The following PARP14 variants were observed in gnomAD, a reference collection of about 807,000 sequenced individuals.
PARP14 encodes the protein poly(ADP-ribose) polymerase family member 14.
PARP14 carries 59 observed loss-of-function variants against 154.2 expected under a neutral mutation model. The observed-to-expected ratio is 0.38, with a 90% confidence interval of 0.31 to 0.48. The LOEUF (loss-of-function observed/expected upper bound fraction) is 0.48. Among genes scored for constraint, PARP14 ranks in the 20% least tolerant of loss-of-function variants. The pLI is 0.98. For missense variants in PARP14, 1,734 were observed against 2,131.6 expected, an observed-to-expected ratio of 0.81 and a Z score of 3.67; for synonymous variants, 720 against 780.5, an observed-to-expected ratio of 0.92 and a Z score of 1.29.
chr3:122,706,826 A>G (rs1010329094), intron 8 of PARP14, among the ~76,000 whole-genome samples: 9 of 152,172 alleles, frequency 5.9e-5, no homozygotes, highest in Non-Finnish European at 1.3e-4. Context: ...GCAAAAAAAA[A>G]AAAAATGAAA....
intron 12 of PARP14, 125 bp from the exon 13 acceptor site, chr3:122,717,946 C>A: frequency 1.4e-6 from 1 of 720,378 alleles, no homozygotes; most frequent in Non-Finnish European, 2.3e-6. Context: ...TTAGAAAATT[C>A]CACAATGATG....
chr3:122,692,908 A>G (rs1677340980), intron 4 of PARP14, among the ~76,000 whole-genome samples: 1 of 152,194 alleles, frequency 6.6e-6, no homozygotes, highest in African/African-American at 2.4e-5. Flanking sequence ...CACTGGGTGA[A>G]GTAAATATTT....
chr3:122,714,152 T>A, intron 11 of PARP14, 110 bp from the exon 12 acceptor site: 1 of 649,858 alleles, frequency 1.5e-6, no homozygotes, highest in African/African-American at 2.2e-5. Flanking sequence ...ATTTCAGGAG[T>A]TTTTTTTTTT....
intron 3 of PARP14, among the ~76,000 whole-genome samples, chr3:122,689,768 G>A (rs769748051): frequency 2.0e-5 from 3 of 151,994 alleles, no homozygotes; most frequent in Non-Finnish European, 2.9e-5. Flanking sequence ...TTGCTAAATA[G>A]CCTGCCATCC....
At chr3:122,720,093 G>A (rs1933124835) in intron 14 of PARP14, among the ~76,000 whole-genome samples, 162 bp from the exon 15 acceptor site, 1 of 152,200 alleles carries the variant, frequency 6.6e-6, no homozygotes, top group South Asian at 2.1e-4. Flanking sequence ...TGGTTCTGAT[G>A]TAGGTTGTCT....
chr3:122,682,496 C>T (rs977242924), intron 1 of PARP14, among the ~76,000 whole-genome samples: 2 of 152,060 alleles, frequency 1.3e-5, no homozygotes, highest in Non-Finnish European at 1.5e-5. Context: ...TCAGAATTTC[C>T]GTAGTTAATG....
chr3:122,720,586 C>T (rs1933139684), intron 15 of PARP14, 198 bp downstream of exon 15: 6 of 626,650 alleles, frequency 9.6e-6, no homozygotes, highest in Admixed American at 4.8e-5. Flanking sequence ...TCAGTGATTA[C>T]AATATTTGAT....
chr3:122,712,184 A>G (rs1939338292), intron 9 of PARP14, among the ~76,000 whole-genome samples: 1 of 151,676 alleles, frequency 6.6e-6, no homozygotes, highest in African/African-American at 2.4e-5. Flanking sequence ...CATGGATCAT[A>G]GTTATAGTAG....
In PARP14 at chr3:122,728,656, A is replaced by C; in HGVS notation, c.*59A>C. On this transcript the variant is annotated 3_prime_UTR_variant, in exon 17 of 17. Transcript: ENST00000474629. Reference sequence around the variant, plus strand: ...ATTTGTACATATCTAGTTGTAAAACAAGTTTTAGCTTTTTTTTTTAATTCC... The same window carrying C: ...ATTTGTACATATCTAGTTGTAAAACCAGTTTTAGCTTTTTTTTTTAATTCC... 7.3e-7 allele frequency: 1 copy of C among 1,378,684 alleles called. No individual in the cohort carries two copies. Among genetic ancestry groups the C allele is most frequent in the Non-Finnish European group, 1.0e-6 (1 of 1,003,782 alleles). The allele number at this position is 1,378,684 out of a possible 1,614,324, so 85.4% of individuals were successfully genotyped here. A position where few individuals can be genotyped will look rare whatever the true frequency, so the allele number is the denominator to read the frequency against.
Position 122,700,768 on chromosome 3 carries a change from C to T in PARP14, c.2214C>T (p.Val738=). 1 of 1,613,494 alleles carries T rather than the reference C, an allele frequency of 6.2e-7. No homozygotes were observed. Among genetic ancestry groups the T allele is most frequent in the Non-Finnish European group, 8.5e-7 (1 of 1,179,652 alleles). ...TTGTCAAGCAAGTCTGGGATTCAGTCTGTGTTAAAAGTGTCCATACTGATA... is the reference window on the plus strand; with the variant it reads ...TTGTCAAGCAAGTCTGGGATTCAGTTTGTGTTAAAAGTGTCCATACTGATA... ...VDIVKQVWDS[V]CVKSVHTDKP... Residue 738 remains valine (V), a synonymous_variant, in exon 6 of 17, where the codon GTC becomes GTT. Coordinates refer to ENST00000474629, the MANE Select transcript of PARP14 (RefSeq NM_017554.3).
At chr3:122,723,903 T>C (rs950475772) in intron 15 of PARP14, among the ~76,000 whole-genome samples, 4 of 152,152 alleles carry the variant, frequency 2.6e-5, no homozygotes, top group Admixed American at 2.6e-4. Context: ...CTTCTGTATA[T>C]GTTATTTGGC....
At chr3:122,715,591 C>A (rs1932973062) in intron 12 of PARP14, among the ~76,000 whole-genome samples, 1 of 146,738 alleles carries the variant, frequency 6.8e-6, no homozygotes. Flanking sequence ...CTCTCTCTAC[C>A]AGTCATCTAT....
chr3:122,727,730 A>G, intron 15 of PARP14, 82 bp from the exon 16 acceptor site: 1 of 837,246 alleles, frequency 1.2e-6, no homozygotes, highest in East Asian at 2.7e-5. Flanking sequence ...TTATTTATGA[A>G]ACATAGTGAT....
intron 15 of PARP14, among the ~76,000 whole-genome samples, chr3:122,722,935 ATTT>A (rs67962718): frequency 6.9e-6 from 1 of 145,426 alleles, no homozygotes. Context: ...TGCATTTCAT[ATTT>A]TTTTTTTTTT....
In PARP14 at chr3:122,703,789, A is replaced by G; in HGVS notation, c.3129A>G (p.Arg1043=). Residue 1043 remains arginine, a synonymous_variant, in exon 7 of 17, where the codon AGA becomes AGG. Coordinates refer to ENST00000474629, the MANE Select transcript of PARP14 (RefSeq NM_017554.3). ...NSVPLDLVLS[R]GPLSKSLLEK... is the part of the protein sequence containing the mutation. ...TTCCCTTGGATCTCGTGCTTAGTAG[A>G]GGGCCTCTTTCTAAGTCCCTCTTGG... is the stretch of plus-strand genomic sequence containing the variant. 6.2e-7 allele frequency: 1 copy of G among 1,613,864 alleles called. No individual in the cohort carries two copies. The highest frequency in any genetic ancestry group is 8.5e-7 in the Non-Finnish European group (1 of 1,179,838).
Position 122,703,964 on chromosome 3 carries a change from A to T in PARP14, c.3304A>T (p.Thr1102Ser). Residue 1102 changes from threonine (T) to serine (S), a missense_variant, in exon 7 of 17, where the codon ACA becomes TCA. By Grantham distance (58) the Thr-to-Ser change is moderately conservative. This residue lies in a region of PARP14 where 1,646 missense variants were observed against 1,976.0 expected (regional missense o/e 0.83). Coordinates refer to ENST00000474629, the MANE Select transcript of PARP14 (RefSeq NM_017554.3). ...VVAPEWRNGS[T>S]SSLKIMEDII... is the part of the protein sequence containing the mutation. Reference sequence around the variant, plus strand: ...AGCTCCGGAGTGGAGAAATGGTAGCACATCTTCACTCAAGGTTGGGCCTGG... The same window carrying T: ...AGCTCCGGAGTGGAGAAATGGTAGCTCATCTTCACTCAAGGTTGGGCCTGG... 6.2e-7 allele frequency: 1 copy of T among 1,612,644 alleles called. No individual in the cohort carries two copies. Among genetic ancestry groups the T allele is most frequent in the Non-Finnish European group, 8.5e-7 (1 of 1,178,666 alleles).
At chr3:122,723,546 T>G (rs1305857856) in intron 15 of PARP14, among the ~76,000 whole-genome samples, 3 of 152,198 alleles carry the variant, frequency 2.0e-5, no homozygotes, top group Admixed American at 6.5e-5. Context: ...TATTTCTCTA[T>G]CCTCTTTATT....
At chr3:122,696,478 G>C (rs1272383935) in intron 5 of PARP14, among the ~76,000 whole-genome samples, 3 of 152,152 alleles carry the variant, frequency 2.0e-5, no homozygotes, top group African/African-American at 4.8e-5. Flanking sequence ...TGAAAGTATG[G>C]TTTGAATTAA....
At chr3:122,724,735 G>A (rs941681702) in intron 15 of PARP14, among the ~76,000 whole-genome samples, 1 of 151,634 alleles carries the variant, frequency 6.6e-6, no homozygotes, top group African/African-American at 2.4e-5. Flanking sequence ...ATAGTGGAGA[G>A]AAGGTCAGCA....
Sources: allele counts gnomAD v4.1 joint callset (sites outside exome capture counted in the v4.1 genomes callset), GRCh38; gene constraint gnomAD v4.1.1; regional missense constraint gnomAD v4.1.1; transcripts MANE v1.5; gene names NCBI Gene and HGNC (gene_info 2026-07-23, HGNC 2026-07-21).